ABHD5: variants seen among roughly 807,000 people sequenced by gnomAD.
ABHD5 encodes the protein 1-acylglycerol-3-phosphate O-acyltransferase ABHD5.
ABHD5 carries 30 observed loss-of-function variants against 44.9 expected under a neutral mutation model. The observed-to-expected ratio is 0.67, with a 90% CI of 0.50 to 0.91. ABHD5 has a LOEUF of 0.91. Ranked by LOEUF, ABHD5 falls within the 40% of genes least tolerant of loss-of-function variation. ABHD5 has a pLI of 0.00. For missense variants in ABHD5, 399 were observed against 423.4 expected, an observed-to-expected ratio of 0.94 and a Z score of 0.50; for synonymous variants, 167 against 147.0, an observed-to-expected ratio of 1.14 and a Z score of -0.99.
chr3:43,715,302 A>G (rs948544473), intron 5 of ABHD5, among the ~76,000 whole-genome samples: 1 of 152,112 alleles, frequency 6.6e-6, no homozygotes, highest in Admixed American at 6.6e-5. Context: ...CTGGGATTAC[A>G]GGCATGTGCC....
intron 7 of ABHD5, among the ~76,000 whole-genome samples, chr3:43,730,924 G>A (rs1005245591): frequency 5.3e-5 from 8 of 152,148 alleles, no homozygotes; most frequent in Non-Finnish European, 1.2e-4. Context: ...TGCCTCCTGG[G>A]TTCAAGCAAT....
downstream of ABHD5, among the ~76,000 whole-genome samples, chr3:43,723,926 CT>C (rs1353625829): frequency 6.6e-6 from 1 of 152,002 alleles, no homozygotes; most frequent in Non-Finnish European, 1.5e-5. Context: ...AGTATAGTGA[CT>C]TTTTTAAAAG....
At chr3:43,726,463 G>T (rs1334602062), downstream of ABHD5, among the ~76,000 whole-genome samples, 1 of 152,192 alleles carries the variant, frequency 6.6e-6, no homozygotes, top group African/African-American at 2.4e-5. Flanking sequence ...CACCATGAAA[G>T]GACTGGACTC....
intron 1 of ABHD5, among the ~76,000 whole-genome samples, chr3:43,697,848 G>A (rs1003458735): frequency 2.0e-5 from 3 of 152,186 alleles, no homozygotes; most frequent in Admixed American, 6.5e-5. Flanking sequence ...GCACTTTGGA[G>A]TGGCTCAGAA....
At chr3:43,707,984 G>C (rs966271734) in intron 3 of ABHD5, among the ~76,000 whole-genome samples, 1 of 152,156 alleles carries the variant, frequency 6.6e-6, no homozygotes, top group Non-Finnish European at 1.5e-5. Flanking sequence ...TAAATCTCAT[G>C]AAGGTCAGGC....
downstream of ABHD5, among the ~76,000 whole-genome samples, chr3:43,722,956 G>C (rs567505280): frequency 6.6e-6 from 1 of 152,236 alleles, no homozygotes; most frequent in Admixed American, 6.5e-5. Flanking sequence ...CAGCTCAATA[G>C]TAAGGCCAGC....
At chr3:43,691,177 A>G (rs2084371108) in intron 1 of ABHD5, 138 bp downstream of exon 1, 2 of 838,370 alleles carry the variant, frequency 2.4e-6, no homozygotes, top group African/African-American at 1.8e-5. Context: ...CCTCCCCGGC[A>G]TGAGTCCGCG....
At chr3:43,717,950 A>T (rs1285777325) in intron 6 of ABHD5, 93 bp downstream of exon 6, 2 of 1,525,350 alleles carry the variant, frequency 1.3e-6, no homozygotes, top group African/African-American at 1.4e-5. Context: ...CTCGTGTTGC[A>T]GGTCATCTGA....
Position 43,722,603 on chromosome 3 carries a change from G to A in ABHD5, c.*4071G>A, listed in dbSNP as rs532302934. ...TAAAACAAACTTAACAGTCTGTCAA[G>A]TTGGTGATATAACCCCACAGAAGAC... On this transcript the variant is annotated 3_prime_UTR_variant, in exon 7 of 7. Coordinates refer to ENST00000644371, the MANE Select transcript of ABHD5 (RefSeq NM_016006.6). The A allele has an allele frequency of 1.3e-5, 2 of 152,200 alleles. No individual in the cohort carries two copies. The highest frequency in any genetic ancestry group is 2.9e-5 in the Non-Finnish European group (2 of 68,036). 9.4% of individuals were successfully genotyped at this position (152,200 alleles called of 1,614,324 possible). A position where few individuals can be genotyped will look rare whatever the true frequency, so the allele number is the denominator to read the frequency against.
intron 4 of ABHD5, among the ~76,000 whole-genome samples, chr3:43,713,175 A>G (rs2084709937): frequency 6.6e-6 from 1 of 151,876 alleles, no homozygotes; most frequent in Admixed American, 6.6e-5. Context: ...AAAATTAGCC[A>G]GGCATAGTGG....
At position 43,718,619 on chromosome 3, in the gene ABHD5, C is replaced by T; in HGVS notation, c.*87C>T. 1.6e-6 allele frequency: 2 copies of T among 1,272,334 alleles called. No homozygotes were observed. Among genetic ancestry groups the T allele is most frequent in the South Asian group, 1.2e-5 (1 of 83,766 alleles). 78.8% of individuals were successfully genotyped at this position (1,272,334 alleles called of 1,614,324 possible). On this transcript the variant is annotated 3_prime_UTR_variant, in exon 7 of 7. Coordinates refer to ENST00000644371, the MANE Select transcript of ABHD5 (RefSeq NM_016006.6). ...AGTCTGTGATGAAGAGTAGTGAATA[C>T]AACACACAACCAGGCAGCCTTCTTG...
intron 4 of ABHD5, among the ~76,000 whole-genome samples, chr3:43,712,373 A>T (rs1454548880): frequency 1.3e-5 from 2 of 151,976 alleles, no homozygotes; most frequent in Non-Finnish European, 2.9e-5. Flanking sequence ...AGATAAAGTT[A>T]TTTTTTCCAC....
intron 7 of ABHD5, among the ~76,000 whole-genome samples, chr3:43,729,225 C>G (rs1002776038): frequency 5.3e-5 from 8 of 152,050 alleles, no homozygotes; most frequent in African/African-American, 1.9e-4. Flanking sequence ...CGATGGGGAG[C>G]TTGATGTGTG....
chr3:43,709,021 C>G (rs2084655939), intron 3 of ABHD5, among the ~76,000 whole-genome samples: 1 of 152,156 alleles, frequency 6.6e-6, no homozygotes, highest in Non-Finnish European at 1.5e-5. Context: ...TAATAAATAG[C>G]AGTGATGTTC....
intron 4 of ABHD5, among the ~76,000 whole-genome samples, chr3:43,712,830 T>C (rs1277210428): frequency 3.3e-5 from 5 of 152,012 alleles, no homozygotes; most frequent in African/African-American, 9.7e-5. Context: ...GCACGAAAAA[T>C]GGTCCTTCTC....
rs151316054 is a variant in ABHD5 at position 43,693,472 on chromosome 3, T to C, written c.47+2433T>C. ...AGAGTGGATTTCTCTATCTAATCTT[T>C]TTAAAAACTGGCAAGATATGTGCCT... On this transcript the variant is annotated intron_variant, in intron 1 of 6. Transcript: ENST00000644371. Among the ~76,000 whole-genome samples, 1,269 of 152,316 alleles carry C rather than the reference T, an allele frequency of 8.3e-3. 19 individuals carry two copies. Among genetic ancestry groups the C allele is most frequent in the African/African-American group, 0.029 (1,203 of 41,552 alleles).
chr3:43,730,717 G>T (rs758175773), intron 7 of ABHD5, among the ~76,000 whole-genome samples: 1 of 152,024 alleles, frequency 6.6e-6, no homozygotes, highest in African/African-American at 2.4e-5. Context: ...ATTTTACCCA[G>T]GCTGGTCTTG....
intron 4 of ABHD5, among the ~76,000 whole-genome samples, chr3:43,712,719 G>T (rs546406257): frequency 7.2e-5 from 11 of 152,214 alleles, no homozygotes; most frequent in African/African-American, 2.2e-4. Context: ...TTGGGTCTGT[G>T]TCTGTGATTT....
intron 7 of ABHD5, among the ~76,000 whole-genome samples, chr3:43,733,342 C>T (rs373960624): frequency 6.6e-6 from 1 of 152,232 alleles, no homozygotes; most frequent in African/African-American, 2.4e-5. Flanking sequence ...GTGTCTTGCT[C>T]ATAAGCGTCA....
Sources: gnomAD v4.1 joint callset for allele counts (sites outside exome capture counted in the v4.1 genomes callset) on GRCh38, gnomAD v4.1.1 for gene constraint, MANE v1.5 for transcripts, NCBI Gene and HGNC (gene_info 2026-07-23, HGNC 2026-07-21) for gene names.